Variants in SEZ6L observed in about 807,000 individuals in gnomAD.
The protein encoded by SEZ6L is seizure related 6 homolog like.
Under a neutral mutation model 106.2 loss-of-function variants are expected in SEZ6L, and 37 were observed. The ratio of observed to expected loss-of-function variants is 0.35; its 90% CI spans 0.27 to 0.46. The LOEUF (loss-of-function observed/expected upper bound fraction) is 0.46. Among genes scored for constraint, SEZ6L ranks in the 20% least tolerant of loss-of-function variants. The pLI, the probability that SEZ6L is intolerant of heterozygous loss-of-function variation, is 1.00. For missense variants in SEZ6L, 1,172 were observed against 1,332.8 expected, an observed-to-expected ratio of 0.88 and a Z score of 1.88; for synonymous variants, 541 against 570.4, an observed-to-expected ratio of 0.95 and a Z score of 0.73.
intron 12 of SEZ6L, among the ~76,000 whole-genome samples, chr22:26,358,259 TG>T (rs1269939057): frequency 6.6e-6 from 1 of 152,222 alleles, no homozygotes; most frequent in Non-Finnish European, 1.5e-5. Context: ...AACCATTAAA[TG>T]GACAGCACTA....
At chr22:26,193,354 A>G (rs1158992225) in intron 1 of SEZ6L, among the ~76,000 whole-genome samples, 1 of 152,158 alleles carries the variant, frequency 6.6e-6, no homozygotes, top group Admixed American at 6.5e-5. Flanking sequence ...CCCTTTTTTA[A>G]TGATGAAGCA....
In SEZ6L at chr22:26,335,517, A is replaced by AT. The variant is rs59920377; in HGVS notation, c.2016-4911dup. Among the ~76,000 whole-genome samples, 895 of 152,000 alleles carry AT rather than the reference A, an allele frequency of 5.9e-3. 18 individuals are homozygous for AT. Among genetic ancestry groups the AT allele is most frequent in the East Asian group, 0.037 (191 of 5,176 alleles). ...ATGTTATAGAATATATAGAATGCTG[A>AT]TTTTTTTTCTGTCTTTAATAGGATA... On this transcript the variant is annotated intron_variant, in intron 9 of 16. Coordinates refer to ENST00000248933, the MANE Select transcript of SEZ6L (RefSeq NM_021115.5).
At chr22:26,348,896 A>G (rs1252576474) in intron 11 of SEZ6L, among the ~76,000 whole-genome samples, 1 of 62,294 alleles carries the variant, frequency 1.6e-5, no homozygotes, top group Non-Finnish European at 2.9e-5. Context: ...GAGGGAGGGG[A>G]GGGAAGGAAT....
chr22:26,225,161 C>G (rs189695990), intron 1 of SEZ6L, among the ~76,000 whole-genome samples: 65 of 152,324 alleles, frequency 4.3e-4, no homozygotes, highest in Non-Finnish European at 8.1e-4. Context: ...CAATTTCTCC[C>G]AGGCTCAAGT....
intron 9 of SEZ6L, among the ~76,000 whole-genome samples, chr22:26,317,018 G>T (rs1242171266): frequency 6.6e-6 from 1 of 152,082 alleles, no homozygotes; most frequent in Non-Finnish European, 1.5e-5. Flanking sequence ...TACATGATGA[G>T]AACATCTGCA....
chr22:26,242,039 G>A (rs1046120623), intron 1 of SEZ6L, among the ~76,000 whole-genome samples: 17 of 152,232 alleles, frequency 1.1e-4, no homozygotes, highest in African/African-American at 3.9e-4. Context: ...GGATGCAGAT[G>A]CCGCTACAGG....
intron 1 of SEZ6L, among the ~76,000 whole-genome samples, chr22:26,267,814 A>T (rs150500067): frequency 9.6e-4 from 146 of 152,346 alleles, no homozygotes; most frequent in African/African-American, 3.3e-3. Flanking sequence ...AGGGGTCACC[A>T]GGACTGCAGG....
intron 1 of SEZ6L, among the ~76,000 whole-genome samples, chr22:26,221,957 C>G (rs1468180649): frequency 6.6e-6 from 1 of 152,166 alleles, no homozygotes; most frequent in Non-Finnish European, 1.5e-5. Flanking sequence ...AAAAGGCAAT[C>G]TGTGTGCATG....
chr22:26,258,748 C>A (rs532582215), intron 1 of SEZ6L, among the ~76,000 whole-genome samples: 3 of 152,268 alleles, frequency 2.0e-5, no homozygotes, highest in East Asian at 1.9e-4. Context: ...TATAAAGGAT[C>A]TGTGGTAAGA....
chr22:26,274,480 G>A (rs2080476610), intron 1 of SEZ6L, among the ~76,000 whole-genome samples: 1 of 152,070 alleles, frequency 6.6e-6, no homozygotes, highest in African/African-American at 2.4e-5. Context: ...AAAAACTTAG[G>A]GAGCTGCTCT....
At chr22:26,330,247 G>A (rs564618230) in intron 9 of SEZ6L, among the ~76,000 whole-genome samples, 3 of 137,304 alleles carry the variant, frequency 2.2e-5, no homozygotes, top group African/African-American at 2.9e-5. Flanking sequence ...TTTGGATTCC[G>A]GCTCTGCTAT....
At chr22:26,206,873 A>T (rs1253827380) in intron 1 of SEZ6L, among the ~76,000 whole-genome samples, 1 of 152,238 alleles carries the variant, frequency 6.6e-6, no homozygotes, top group Non-Finnish European at 1.5e-5. Flanking sequence ...GCATTGAAGT[A>T]TTGGACTTAA....
chr22:26,196,966 G>A (rs1007828310), intron 1 of SEZ6L, among the ~76,000 whole-genome samples: 2 of 152,154 alleles, frequency 1.3e-5, no homozygotes, highest in Non-Finnish European at 2.9e-5. Context: ...AACGTTGAAT[G>A]GAAAATCCCT....
At chr22:26,287,792 C>T (rs1323798866) in intron 1 of SEZ6L, among the ~76,000 whole-genome samples, 2 of 152,168 alleles carry the variant, frequency 1.3e-5, no homozygotes, top group African/African-American at 4.8e-5. Context: ...TGCATATCAT[C>T]TGTGTTGGAC....
At chr22:26,209,894 A>AGGAAGGAAGGAAAGAAGGGAGAGG in intron 1 of SEZ6L, among the ~76,000 whole-genome samples, 2 of 145,434 alleles carry the variant, frequency 1.4e-5, no homozygotes, top group African/African-American at 5.0e-5. Flanking sequence ...GAAGGGAGAG[A>AGGAAGGAAGGAAAGAAGGGAGAGG]GGAAGGAAGG....
intron 1 of SEZ6L, among the ~76,000 whole-genome samples, chr22:26,218,228 T>TTTTG (rs1242601738): frequency 1.3e-5 from 2 of 152,108 alleles, no homozygotes; most frequent in South Asian, 4.2e-4. Flanking sequence ...GAACCACTAG[T>TTTTG]TTTGTTTGTT....
chr22:26,315,351 C>T (rs775593891), intron 9 of SEZ6L, among the ~76,000 whole-genome samples: 1 of 152,002 alleles, frequency 6.6e-6, no homozygotes, highest in African/African-American at 2.4e-5. Context: ...TGGTGGCACA[C>T]GCCTGTGGTA....
intron 9 of SEZ6L, among the ~76,000 whole-genome samples, chr22:26,338,046 G>C (rs2082699194): frequency 6.6e-6 from 1 of 152,194 alleles, no homozygotes; most frequent in Non-Finnish European, 1.5e-5. Context: ...AAACACCACT[G>C]TTGGCCATTG....
chr22:26,181,974 G>C (rs949533660), intron 1 of SEZ6L, among the ~76,000 whole-genome samples: 5 of 152,076 alleles, frequency 3.3e-5, no homozygotes, highest in African/African-American at 1.2e-4. Flanking sequence ...TACAATGAAT[G>C]CATTATTATC....
Sources: allele counts gnomAD v4.1 joint callset (sites outside exome capture counted in the v4.1 genomes callset), GRCh38; gene constraint gnomAD v4.1.1; transcripts MANE v1.5; gene names NCBI Gene and HGNC (gene_info 2026-07-23, HGNC 2026-07-21).